The following PDE4B variants were observed in gnomAD, a reference collection of about 807,000 sequenced individuals.
The protein encoded by PDE4B is phosphodiesterase 4B, also known as 3',5'-cyclic-AMP phosphodiesterase 4B.
PDE4B carries 20 observed loss-of-function variants against 82.2 expected under a neutral mutation model. The ratio of observed to expected loss-of-function variants is 0.24; its 90% CI spans 0.17 to 0.35. The LOEUF (loss-of-function observed/expected upper bound fraction) is 0.35, where lower values mean the gene tolerates loss of function less well. Ranked by LOEUF, PDE4B falls within the 10% of genes least tolerant of loss-of-function variation. The pLI is 1.00. For synonymous variants in PDE4B, 320 were observed against 318.9 expected (o/e 1.00, Z -0.04); for missense variants, 655 against 907.2 (o/e 0.72, Z 3.57).
intron 3 of PDE4B, among the ~76,000 whole-genome samples, chr1:65,920,336 G>A (rs1647213749): frequency 6.6e-6 from 1 of 152,158 alleles, no homozygotes; most frequent in South Asian, 2.1e-4. Context: ...AAAACAAAGA[G>A]GTGAAGACTG....
At chr1:66,021,404 T>C (rs561902601) in intron 3 of PDE4B, among the ~76,000 whole-genome samples, 1 of 152,366 alleles carries the variant, frequency 6.6e-6, no homozygotes, top group East Asian at 1.9e-4. Flanking sequence ...GCCTATGTCC[T>C]GAATGGTATT....
intron 3 of PDE4B, among the ~76,000 whole-genome samples, chr1:65,949,777 T>C (rs1346224309): frequency 1.3e-5 from 2 of 151,086 alleles, no homozygotes; most frequent in African/African-American, 4.9e-5. Flanking sequence ...ACTTCAAACG[T>C]GTGTGTGTGT....
chr1:66,108,152 C>G (rs912831596), intron 3 of PDE4B, among the ~76,000 whole-genome samples: 3 of 151,868 alleles, frequency 2.0e-5, no homozygotes, highest in Non-Finnish European at 4.4e-5. Context: ...TGCAATAGAT[C>G]TCCTGAAGTT....
chr1:66,074,650 A>C (rs1424060217), intron 3 of PDE4B, among the ~76,000 whole-genome samples: 1 of 151,988 alleles, frequency 6.6e-6, no homozygotes, highest in Admixed American at 6.6e-5. Flanking sequence ...CCCCTCCCCC[A>C]GTCCTTGGCT....
chr1:65,799,524 T>A (rs1465237734), intron 1 of PDE4B, among the ~76,000 whole-genome samples: 1 of 152,188 alleles, frequency 6.6e-6, no homozygotes, highest in Non-Finnish European at 1.5e-5. Context: ...AAATTTGCAT[T>A]CAATATTAAG....
At chr1:66,013,988 T>C (rs1420722862) in intron 3 of PDE4B, among the ~76,000 whole-genome samples, 1 of 152,174 alleles carries the variant, frequency 6.6e-6, no homozygotes, top group Non-Finnish European at 1.5e-5. Flanking sequence ...ATAGAAGTTA[T>C]CCTAATGGGT....
At chr1:66,258,205 A>G (rs1203748428) in intron 6 of PDE4B, among the ~76,000 whole-genome samples, 1 of 152,222 alleles carries the variant, frequency 6.6e-6, no homozygotes, top group Non-Finnish European at 1.5e-5. Context: ...ATTCTTTTTG[A>G]ATAAGTTATT....
At chr1:66,230,934 G>A (rs1385628918) in intron 3 of PDE4B, among the ~76,000 whole-genome samples, 1 of 151,670 alleles carries the variant, frequency 6.6e-6, no homozygotes, top group Non-Finnish European at 1.5e-5. Context: ...TCAGGAGGCT[G>A]AGGGCCAGAG....
At chr1:66,332,655 T>A in intron 8 of PDE4B, 35 bp downstream of exon 8, 1 of 1,592,616 alleles carries the variant, frequency 6.3e-7, no homozygotes, top group Non-Finnish European at 8.6e-7. Flanking sequence ...TAAAGTGTGA[T>A]CATGCAGGGA....
In PDE4B at chr1:65,910,440, A is replaced by G. The variant is rs78809383; in HGVS notation, c.-70-2805A>G. Reference sequence around the variant, plus strand: ...GTGTCAGTCACTGTGCTAGGAACTGAGGGGAGATATTTAACAATTACCTTC... The same window carrying G: ...GTGTCAGTCACTGTGCTAGGAACTGGGGGGAGATATTTAACAATTACCTTC... On this transcript the variant is annotated intron_variant, in intron 1 of 16. Coordinates refer to ENST00000341517, the MANE Select transcript of PDE4B (RefSeq NM_002600.4). 1.3e-3 allele frequency among the ~76,000 whole-genome samples: 197 copies of G among 152,276 alleles called. 2 individuals carry two copies. The highest frequency in any genetic ancestry group is 8.0e-3 in the Admixed American group (123 of 15,288).
chr1:65,950,525 T>C (rs1648939861), intron 3 of PDE4B, among the ~76,000 whole-genome samples: 1 of 151,984 alleles, frequency 6.6e-6, no homozygotes, highest in South Asian at 2.1e-4. Context: ...GGAAGCAGAA[T>C]AGGATGGGGA....
chr1:65,848,381 T>C (rs1292343982), intron 1 of PDE4B, among the ~76,000 whole-genome samples: 1 of 152,136 alleles, frequency 6.6e-6, no homozygotes, highest in African/African-American at 2.4e-5. Context: ...CTTGACCTCA[T>C]GATCTGTCTG....
intron 3 of PDE4B, among the ~76,000 whole-genome samples, chr1:66,172,289 T>C (rs1302992547): frequency 2.0e-5 from 3 of 152,216 alleles, no homozygotes; most frequent in Non-Finnish European, 4.4e-5. Flanking sequence ...CTTCATTTTT[T>C]CTTATGGCTG....
intron 3 of PDE4B, among the ~76,000 whole-genome samples, chr1:66,066,741 G>A (rs1655869165): frequency 6.6e-6 from 1 of 151,828 alleles, no homozygotes. Flanking sequence ...TCTCCTGAAG[G>A]CATAGCACAT....
At chr1:66,147,772 A>G (rs1334625342) in intron 3 of PDE4B, among the ~76,000 whole-genome samples, 1 of 152,230 alleles carries the variant, frequency 6.6e-6, no homozygotes, top group Admixed American at 6.5e-5. Flanking sequence ...CAGGAAGAGA[A>G]ACTAGAGTGA....
intron 1 of PDE4B, among the ~76,000 whole-genome samples, chr1:65,839,883 C>G (rs1646187019): frequency 6.6e-6 from 1 of 152,152 alleles, no homozygotes; most frequent in African/African-American, 2.4e-5. Flanking sequence ...TTTACACTCC[C>G]TCCAACAGTG....
At chr1:65,878,123 A>G (rs1646668025) in intron 1 of PDE4B, among the ~76,000 whole-genome samples, 1 of 152,178 alleles carries the variant, frequency 6.6e-6, no homozygotes, top group South Asian at 2.1e-4. Flanking sequence ...GCCAACAAAC[A>G]TGAAAAAAGC....
chr1:66,087,740 T>C (rs1000579173), intron 3 of PDE4B, among the ~76,000 whole-genome samples: 3 of 151,792 alleles, frequency 2.0e-5, no homozygotes, highest in African/African-American at 7.3e-5. Flanking sequence ...AAATTGGAAG[T>C]CATCATTCTC....
chr1:65,904,299 A>G (rs146511049), intron 1 of PDE4B, among the ~76,000 whole-genome samples: 1 of 152,034 alleles, frequency 6.6e-6, no homozygotes, highest in African/African-American at 2.4e-5. Context: ...GTATTAACTT[A>G]AAAAAAATTT....
Sources: allele counts gnomAD v4.1 joint callset (sites outside exome capture counted in the v4.1 genomes callset), GRCh38; gene constraint gnomAD v4.1.1; transcripts MANE v1.5; gene names NCBI Gene and HGNC (gene_info 2026-07-23, HGNC 2026-07-21).